The following ATF2 variants were observed in gnomAD, a reference collection of about 807,000 sequenced individuals.
ATF2 encodes cyclic AMP-dependent transcription factor ATF-2.
A neutral mutation model predicts 60.6 loss-of-function variants in ATF2; 24 were observed. The ratio of observed to expected loss-of-function variants is 0.40; its 90% CI spans 0.29 to 0.56. ATF2 has a LOEUF of 0.56. Among genes scored for constraint, ATF2 ranks in the 20% least tolerant of loss-of-function variants. The pLI, the probability that ATF2 is intolerant of heterozygous loss-of-function variation, is 0.54. For missense variants in ATF2, 433 were observed against 607.7 expected, an observed-to-expected ratio of 0.71 and a Z score of 3.02; for synonymous variants, 206 against 215.4, an observed-to-expected ratio of 0.96 and a Z score of 0.38.
At chr2:175,135,491 T>C (rs1698074021) in intron 3 of ATF2, among the ~76,000 whole-genome samples, 1 of 152,294 alleles carries the variant, frequency 6.6e-6, no homozygotes, top group Non-Finnish European at 1.5e-5. Flanking sequence ...CACCATGAAT[T>C]GAGCAGTATA....
At chr2:175,138,350 G>A (rs780714639) in intron 2 of ATF2, among the ~76,000 whole-genome samples, 6 of 152,170 alleles carry the variant, frequency 3.9e-5, no homozygotes, top group Non-Finnish European at 8.8e-5. Context: ...CCAAGATAGT[G>A]ATGGGGCTTA....
intron 1 of ATF2, among the ~76,000 whole-genome samples, chr2:175,156,377 CAAAAAAA>C (rs57399474): frequency 3.4e-4 from 19 of 56,020 alleles, no homozygotes; most frequent in Non-Finnish European, 5.1e-4. Flanking sequence ...TCTCAAAAAA[CAAAAAAA>C]AAAAAAAAAA....
chr2:175,117,417 A>C (rs1246566471), intron 7 of ATF2, among the ~76,000 whole-genome samples: 3 of 152,116 alleles, frequency 2.0e-5, no homozygotes, highest in Admixed American at 2.0e-4. Flanking sequence ...TGTGTCCTGC[A>C]TGGTACTCCC....
chr2:175,148,109 G>A (rs1020731450), intron 2 of ATF2: 8 of 152,088 alleles, frequency 5.3e-5, no homozygotes, highest in Admixed American at 5.2e-4. Flanking sequence ...CCAGAATGGA[G>A]TAGGCACAGA....
At chr2:175,094,729 G>A (rs1211503762) in intron 11 of ATF2, among the ~76,000 whole-genome samples, 3 of 152,044 alleles carry the variant, frequency 2.0e-5, no homozygotes, top group African/African-American at 7.2e-5. Context: ...GTTATTTCAT[G>A]TATAAAGTAT....
chr2:175,133,704 G>A (rs184199391), intron 3 of ATF2, among the ~76,000 whole-genome samples: 4 of 152,168 alleles, frequency 2.6e-5, no homozygotes. Context: ...AGTCACAGTA[G>A]ATCATAGACC....
Position 175,097,236 on chromosome 2 carries a change from T to G in ATF2, c.978+208A>C, listed in dbSNP as rs184477534. Among the ~76,000 whole-genome samples the G allele has an allele frequency of 1.2e-3, 176 of 152,348 alleles. 1 individual carries two copies. Among genetic ancestry groups the G allele is most frequent in the African/African-American group, 3.7e-3 (155 of 41,594 alleles). ...CATATATGGACACCCACAGAAATATTTGCAGGTGTCCTGAACAGAAACACT... is the reference window on the plus strand; with the variant it reads ...CATATATGGACACCCACAGAAATATGTGCAGGTGTCCTGAACAGAAACACT... On this transcript the variant is annotated intron_variant, in intron 11 of 13. Transcript: ENST00000264110.
At chr2:175,102,032 C>T (rs1049324806) in intron 10 of ATF2, among the ~76,000 whole-genome samples, 2 of 151,820 alleles carry the variant, frequency 1.3e-5, no homozygotes, top group South Asian at 4.1e-4. Flanking sequence ...TCCAGCCATA[C>T]ATATTTGTTA....
chr2:175,167,734 G>C (rs1383838930), intron 1 of ATF2: 5 of 477,754 alleles, frequency 1.0e-5, no homozygotes, highest in African/African-American at 2.0e-5. Flanking sequence ...TCGGAGGGAG[G>C]GGTCTAAGAG....
At chr2:175,124,380 G>A (rs932085841) in intron 4 of ATF2, among the ~76,000 whole-genome samples, 4 of 151,766 alleles carry the variant, frequency 2.6e-5, no homozygotes, top group African/African-American at 9.7e-5. Flanking sequence ...TGGGAAGAAG[G>A]TAGATCAGTT....
chr2:175,141,030 AAT>A (rs1553513531), intron 2 of ATF2, among the ~76,000 whole-genome samples: 3,856 of 37,590 alleles, frequency 0.1, 247 homozygotes, highest in East Asian at 0.2. Flanking sequence ...AAAAAAAAAA[AAT>A]ATATATATAT....
intron 10 of ATF2, among the ~76,000 whole-genome samples, chr2:175,107,730 TG>T (rs1424487434): frequency 1.3e-5 from 2 of 152,170 alleles, no homozygotes; most frequent in Non-Finnish European, 2.9e-5. Context: ...CACGCCTGAC[TG>T]GTTTTCGTAT....
chr2:175,107,569 C>T (rs183844723), intron 10 of ATF2, among the ~76,000 whole-genome samples: 152 of 149,768 alleles, frequency 1.0e-3, no homozygotes, highest in African/African-American at 3.7e-3. Context: ...TCCCTCTCCC[C>T]ATGGTCTCCC....
intron 4 of ATF2, among the ~76,000 whole-genome samples, chr2:175,125,430 A>G (rs1203558828): frequency 6.6e-6 from 1 of 152,104 alleles, no homozygotes; most frequent in Non-Finnish European, 1.5e-5. Context: ...CCCTAAAATA[A>G]TACTCAGGAT....
intron 12 of ATF2, among the ~76,000 whole-genome samples, chr2:175,090,032 G>C (rs1694438659): frequency 6.6e-6 from 1 of 152,038 alleles, no homozygotes. Flanking sequence ...AATTTACCAA[G>C]GTGAGATTCA....
chr2:175,128,191 C>T lies in ATF2; in HGVS notation c.102+1947G>A, dbSNP rs566156615. On this transcript the variant is annotated intron_variant, in intron 4 of 13. Transcript: ENST00000264110. Reference sequence around the variant, plus strand: ...GAAATTATGCTGGGATATCTAAACCCGTATTTTTTAAAAACTTAGCTTCAA... The same window carrying T: ...GAAATTATGCTGGGATATCTAAACCTGTATTTTTTAAAAACTTAGCTTCAA... Among the ~76,000 whole-genome samples, 15 of 152,200 alleles carry T rather than the reference C, an allele frequency of 9.9e-5. No homozygotes were observed. In the South Asian group the frequency reaches 3.1e-3, roughly 32 times the overall value.
chr2:175,167,840 A>G, intron 1 of ATF2: 1 of 415,640 alleles, frequency 2.4e-6, no homozygotes, highest in Non-Finnish European at 5.2e-6. Flanking sequence ...CGGCCCAGCC[A>G]GTCAGGTTCC....
In ATF2 at chr2:175,114,068, T is replaced by A. The variant is rs200549535; in HGVS notation, c.667A>T (p.Asn223Tyr). The A allele has an allele frequency of 6.2e-7, 1 of 1,612,862 alleles. No homozygotes were observed. Among genetic ancestry groups the A allele is most frequent in the African/African-American group, 1.3e-5 (1 of 74,868 alleles). ...GPFPLLLHLP[N>Y]GQTMPVAIPA... Reference sequence around the variant, plus strand: ...ATAGCAACAGGCATGGTTTGTCCATTAGGAAGATGTAACAGAAGAGGAAAT... The same window carrying A: ...ATAGCAACAGGCATGGTTTGTCCATAAGGAAGATGTAACAGAAGAGGAAAT... The change falls in exon 9 of 14, where the codon AAT becomes TAT. Residue 223 changes from asparagine to tyrosine, a missense_variant. Physicochemically the swap from Asn to Tyr is moderately radical, Grantham distance 143 (BLOSUM62 -2). This residue lies in a region of ATF2 where 246 missense variants were observed against 309.3 expected (regional missense o/e 0.80). Transcript: ENST00000264110.
At position 175,096,868 on chromosome 2, in the gene ATF2, C is replaced by T. The variant is rs534732895; in HGVS notation, c.978+576G>A. Among the ~76,000 whole-genome samples, 4 of 152,220 alleles carry T rather than the reference C, an allele frequency of 2.6e-5. No homozygotes were observed. In the South Asian group the frequency reaches 8.3e-4, roughly 32 times the overall value. ...GTCTATAAAATTTACAGAACTTAAC[C>T]TATTAAATTTTCCTATAACATCAAT... On this transcript the variant is annotated intron_variant, in intron 11 of 13. Coordinates refer to ENST00000264110, the MANE Select transcript of ATF2 (RefSeq NM_001880.4).
Sources: allele counts gnomAD v4.1 joint callset (sites outside exome capture counted in the v4.1 genomes callset), GRCh38; gene constraint gnomAD v4.1.1; regional missense constraint gnomAD v4.1.1; transcripts MANE v1.5; gene names NCBI Gene and HGNC (gene_info 2026-07-23, HGNC 2026-07-21).